Variants in MEMO1 observed in about 807,000 individuals in gnomAD.
The protein encoded by MEMO1 is mediator of cell motility 1, also known as protein MEMO1.
MEMO1 carries 6 observed loss-of-function variants against 45.2 expected under a neutral mutation model. That is an observed-to-expected ratio of 0.13 (90% confidence interval 0.07 to 0.26). The LOEUF is 0.26. Ranked by LOEUF, MEMO1 falls within the 10% of genes least tolerant of loss-of-function variation. The pLI is 1.00. For missense variants in MEMO1, 184 were observed against 370.5 expected, an observed-to-expected ratio of 0.50 and a Z score of 4.13; for synonymous variants, 78 against 124.3, an observed-to-expected ratio of 0.63 and a Z score of 2.48.
At chr2:31,874,177 A>G (rs1366172476) in intron 8 of MEMO1, among the ~76,000 whole-genome samples, 1 of 152,120 alleles carries the variant, frequency 6.6e-6, no homozygotes, top group Non-Finnish European at 1.5e-5. Flanking sequence ...GTCTACACCA[A>G]AAAAAGTAGT....
At chr2:31,913,517 GTTTT>G (rs5830218) in intron 6 of MEMO1, among the ~76,000 whole-genome samples, 55 of 136,066 alleles carry the variant, frequency 4.0e-4, no homozygotes, top group African/African-American at 1.3e-3. Flanking sequence ...ATGATTAAGA[GTTTT>G]TTTTTTTTTT....
At chr2:31,902,338 C>T (rs536772698) in intron 6 of MEMO1, among the ~76,000 whole-genome samples, 1 of 151,764 alleles carries the variant, frequency 6.6e-6, no homozygotes, top group Non-Finnish European at 1.5e-5. Flanking sequence ...GTGGAGGTTG[C>T]GCTGAGCCGA....
chr2:31,902,015 G>C (rs1021162061), intron 6 of MEMO1, among the ~76,000 whole-genome samples: 1 of 152,102 alleles, frequency 6.6e-6, no homozygotes, highest in Non-Finnish European at 1.5e-5. Flanking sequence ...GCAGATGCTT[G>C]TAAGTCCCAG....
At chr2:32,010,607 C>G in intron 1 of MEMO1, 1 of 170,440 alleles carries the variant, frequency 5.9e-6, no homozygotes, top group Non-Finnish European at 1.3e-5. Flanking sequence ...CCACGGCCCC[C>G]TCCCCTCCCA....
At chr2:31,946,968 G>A (rs1666272474) in intron 2 of MEMO1, among the ~76,000 whole-genome samples, 3 of 152,116 alleles carry the variant, frequency 2.0e-5, no homozygotes, top group Admixed American at 2.0e-4. Flanking sequence ...GTATAGGTCT[G>A]TAGCCTAGGA....
intron 2 of MEMO1, among the ~76,000 whole-genome samples, chr2:31,944,267 C>G (rs1665947796): frequency 6.6e-6 from 1 of 152,188 alleles, no homozygotes. Flanking sequence ...TGAATCTGCT[C>G]TCCTATCTTT....
chr2:31,989,629 ACAC>A (rs1329130205), intron 2 of MEMO1, among the ~76,000 whole-genome samples: 2 of 152,256 alleles, frequency 1.3e-5, no homozygotes, highest in African/African-American at 4.8e-5. Flanking sequence ...TTCAAATTCT[ACAC>A]TGCAATTAAT....
chr2:31,887,382 T>C (rs1188975522), intron 7 of MEMO1, among the ~76,000 whole-genome samples: 1 of 152,086 alleles, frequency 6.6e-6, no homozygotes, highest in Non-Finnish European at 1.5e-5. Flanking sequence ...AAAAGATCAG[T>C]CAATAAGATA....
In MEMO1 at chr2:31,872,016, A is replaced by AACACACACACACACACACACACACAC. The variant is rs55682785; in HGVS notation, c.658-2090_658-2065dup. ...GCGACAGAGCAAGACTCTGTCTCAA[A>AACACACACACACACACACACACACAC]ACACACACACACACACACACACACA... On this transcript the variant is annotated intron_variant, in intron 8 of 9. Coordinates refer to ENST00000404530, the MANE Select transcript of MEMO1 (RefSeq NM_001301833.4). 5.0e-4 allele frequency among the ~76,000 whole-genome samples: 71 copies of AACACACACACACACACACACACACAC among 143,296 alleles called. 1 individual carries two copies. The highest frequency in any genetic ancestry group is 1.8e-3 in the African/African-American group (70 of 38,032). 94.0% of individuals were successfully genotyped at this position (143,296 alleles called of 152,430 possible). A position where few individuals can be genotyped will look rare whatever the true frequency, so the allele number is the denominator to read the frequency against.
At chr2:31,880,346 A>G (rs1230475543) in intron 8 of MEMO1, among the ~76,000 whole-genome samples, 1 of 152,226 alleles carries the variant, frequency 6.6e-6, no homozygotes, top group African/African-American at 2.4e-5. Flanking sequence ...AAATCCAAAT[A>G]AAATTCTAAA....
chr2:31,929,960 C>CA (rs1683701412), intron 4 of MEMO1, among the ~76,000 whole-genome samples: 1 of 152,134 alleles, frequency 6.6e-6, no homozygotes, highest in African/African-American at 2.4e-5. Flanking sequence ...ATACTAATTA[C>CA]AAAAAATAAT....
chr2:31,987,427 T>C (rs750570389), intron 2 of MEMO1, among the ~76,000 whole-genome samples: 78 of 152,220 alleles, frequency 5.1e-4, no homozygotes, highest in Non-Finnish European at 1.0e-3. Context: ...AAAAAATCAT[T>C]AATGATTTTA....
intron 8 of MEMO1, among the ~76,000 whole-genome samples, chr2:31,874,869 T>G (rs1443722603): frequency 6.6e-6 from 1 of 151,876 alleles, no homozygotes; most frequent in Non-Finnish European, 1.5e-5. Flanking sequence ...ACCATCTGAT[T>G]AATCAATTAA....
chr2:32,002,108 G>A (rs1673393760), intron 2 of MEMO1, among the ~76,000 whole-genome samples: 1 of 127,784 alleles, frequency 7.8e-6, no homozygotes, highest in Admixed American at 9.8e-5. Flanking sequence ...TCTCGCCAGT[G>A]CCCTCCAGCC....
intron 2 of MEMO1, among the ~76,000 whole-genome samples, chr2:31,969,424 CAT>C (rs35992568): frequency 0.43 from 64,127 of 149,906 alleles, 14,019 homozygotes; most frequent in Admixed American, 0.48. Context: ...CGTATATATA[CAT>C]ATATGTGTGT....
At chr2:31,905,454 T>G (rs758546837) in intron 6 of MEMO1, among the ~76,000 whole-genome samples, 14 of 152,172 alleles carry the variant, frequency 9.2e-5, no homozygotes, top group Admixed American at 7.2e-4. Flanking sequence ...TAAATAGGCA[T>G]GATGATAAGA....
At chr2:31,975,972 G>A (rs560365189) in intron 2 of MEMO1, among the ~76,000 whole-genome samples, 3 of 152,156 alleles carry the variant, frequency 2.0e-5, no homozygotes, top group East Asian at 3.9e-4. Flanking sequence ...TCAGCTCACC[G>A]TAACCTCTCC....
At chr2:31,907,166 C>T (rs192881243) in intron 6 of MEMO1, among the ~76,000 whole-genome samples, 1 of 152,250 alleles carries the variant, frequency 6.6e-6, no homozygotes, top group East Asian at 1.9e-4. Context: ...CAAATGCCAC[C>T]CCCTTAATGA....
chr2:31,944,529 T>A (rs943542250), intron 2 of MEMO1, among the ~76,000 whole-genome samples: 5 of 152,214 alleles, frequency 3.3e-5, no homozygotes, highest in African/African-American at 1.2e-4. Flanking sequence ...TCCCACCACT[T>A]ATTCTGCTTT....
Sources: gnomAD v4.1 joint callset for allele counts (sites outside exome capture counted in the v4.1 genomes callset) on GRCh38, gnomAD v4.1.1 for gene constraint, MANE v1.5 for transcripts, NCBI Gene and HGNC (gene_info 2026-07-23, HGNC 2026-07-21) for gene names.